NAV2: variants seen among roughly 807,000 people sequenced by gnomAD.
The protein encoded by NAV2 is helicase, APC down-regulated 1.
Under a neutral mutation model 223.2 loss-of-function variants are expected in NAV2, and 54 were observed. The ratio of observed to expected loss-of-function variants is 0.24; its 90% CI spans 0.19 to 0.30. NAV2 has a LOEUF of 0.30. NAV2 is among the 10% of genes least tolerant of loss of function. NAV2 has a pLI of 1.00. For synonymous variants in NAV2, 1,279 were observed against 1,239.3 expected (o/e 1.03, Z -0.67); for missense variants, 2,806 against 3,147.5 (o/e 0.89, Z 2.60).
At chr11:19,861,084 T>C (rs935532333) in intron 3 of NAV2, among the ~76,000 whole-genome samples, 1 of 140,396 alleles carries the variant, frequency 7.1e-6, no homozygotes, top group Admixed American at 7.2e-5. Flanking sequence ...CAAAGTCATA[T>C]TCTCTTAAAC....
At chr11:19,510,239 A>G (rs1186254093) in intron 1 of NAV2, among the ~76,000 whole-genome samples, 1 of 152,222 alleles carries the variant, frequency 6.6e-6, no homozygotes, top group African/African-American at 2.4e-5. Flanking sequence ...TTCTAAGCAC[A>G]TTAAGTGTGT....
chr11:19,803,847 C>T (rs938179256), intron 1 of NAV2, among the ~76,000 whole-genome samples: 13 of 152,216 alleles, frequency 8.5e-5, no homozygotes, highest in East Asian at 3.9e-4. Context: ...ACTTGTTTGA[C>T]GTGTGTTTCC....
chr11:19,518,689 A>G (rs1347242651), intron 1 of NAV2: 1 of 152,272 alleles, frequency 6.6e-6, no homozygotes, highest in Non-Finnish European at 1.5e-5. Context: ...GATAAATGAA[A>G]GCAGAGATCA....
intron 1 of NAV2, among the ~76,000 whole-genome samples, chr11:19,355,347 A>C (rs1351055581): frequency 1.3e-5 from 2 of 151,918 alleles, no homozygotes; most frequent in African/African-American, 2.4e-5. Context: ...TCAGCATGAA[A>C]GCTTCCTGGA....
At chr11:20,024,333 G>C (rs2054831523) in intron 11 of NAV2, among the ~76,000 whole-genome samples, 1 of 152,154 alleles carries the variant, frequency 6.6e-6, no homozygotes, top group South Asian at 2.1e-4. Flanking sequence ...GATCAGGCTG[G>C]AGCTTTAGTT....
At chr11:20,000,783 C>T (rs892191177) in intron 11 of NAV2, among the ~76,000 whole-genome samples, 5 of 152,162 alleles carry the variant, frequency 3.3e-5, no homozygotes, top group South Asian at 2.1e-4. Flanking sequence ...GTTTGAGCTC[C>T]ACTGGAGAGC....
chr11:19,794,233 G>T (rs1023033136), intron 1 of NAV2, among the ~76,000 whole-genome samples: 1 of 152,196 alleles, frequency 6.6e-6, no homozygotes, highest in African/African-American at 2.4e-5. Context: ...TGTGCTCGGC[G>T]TTGTAAGGAG....
At chr11:20,083,813 G>C (rs1372366690) in intron 26 of NAV2, among the ~76,000 whole-genome samples, 1 of 152,192 alleles carries the variant, frequency 6.6e-6, no homozygotes, top group Non-Finnish European at 1.5e-5. Context: ...TCTTGGGAAG[G>C]CCAAGTTAAA....
At chr11:19,569,392 C>A (rs1412834828) in intron 1 of NAV2, among the ~76,000 whole-genome samples, 2 of 152,202 alleles carry the variant, frequency 1.3e-5, no homozygotes, top group Admixed American at 6.5e-5. Context: ...CCCATGAGGG[C>A]AAACGACCTT....
At chr11:19,728,256 CT>C (rs1392465938) in intron 1 of NAV2, among the ~76,000 whole-genome samples, 1 of 152,210 alleles carries the variant, frequency 6.6e-6, no homozygotes, top group East Asian at 1.9e-4. Context: ...ATTAAGTTCT[CT>C]TTCTAGACCC....
At chr11:19,415,395 A>G (rs1333584367) in intron 1 of NAV2, among the ~76,000 whole-genome samples, 2 of 152,246 alleles carry the variant, frequency 1.3e-5, no homozygotes, top group East Asian at 1.9e-4. Context: ...GTAAAGCAGG[A>G]AGAAGTCGAA....
chr11:19,652,444 T>C (rs191851428), intron 1 of NAV2, among the ~76,000 whole-genome samples: 22 of 152,172 alleles, frequency 1.4e-4, no homozygotes, highest in Non-Finnish European at 2.9e-4. Flanking sequence ...TAAACTGTGA[T>C]ATGCAGTGAG....
At chr11:19,673,267 A>G (rs2048619612) in intron 1 of NAV2, among the ~76,000 whole-genome samples, 1 of 152,240 alleles carries the variant, frequency 6.6e-6, no homozygotes, top group South Asian at 2.1e-4. Flanking sequence ...ATATTCAGAT[A>G]TGTCTGTGTT....
intron 27 of NAV2, among the ~76,000 whole-genome samples, chr11:20,092,003 C>G (rs1024774628): frequency 6.6e-6 from 1 of 152,182 alleles, no homozygotes; most frequent in East Asian, 1.9e-4. Flanking sequence ...GGCCTGTTCT[C>G]TGAATGGATG....
rs553578908 is a variant in NAV2, at chr11:19,887,805, A to G, written c.771-4629A>G. ...ATGCCATGGAAATGAGAGATTTAGT[A>G]TGTAATCATCTCGCCTGGCAAAAAG... On this transcript the variant is annotated intron_variant, in intron 5 of 37. Transcript: ENST00000349880. Among the ~76,000 whole-genome samples the G allele has an allele frequency of 8.5e-5, 13 of 152,204 alleles. 1 individual carries two copies. Among genetic ancestry groups the G allele is most frequent in the African/African-American group, 3.1e-4 (13 of 41,534 alleles).
chr11:20,113,986 G>A (rs2062840260), intron 36 of NAV2, among the ~76,000 whole-genome samples: 1 of 152,164 alleles, frequency 6.6e-6, no homozygotes, highest in Admixed American at 6.5e-5. Flanking sequence ...ACTCCAGCCT[G>A]AGCAACATTG....
At chr11:19,345,263 T>C in the NAV2 span, among the ~76,000 whole-genome samples, 1 of 152,164 alleles carries the variant, frequency 6.6e-6, no homozygotes, top group Non-Finnish European at 1.5e-5. The surrounding 1 kb of genome is among the most constrained non-coding windows in gnomAD (Gnocchi z 5.2). Flanking sequence ...CGGAGTGCAG[T>C]GCGAGACCGG....
rs535515411 is a variant in NAV2 at position 19,704,222 on chromosome 11, T to C, written c.76-128262T>C. ...TTTCCTTGCCTTATTATTAAGACCA[T>C]TGTCATTAGCAAACTGGGTGACTAC... is the stretch of plus-strand genomic sequence containing the variant. On this transcript the variant is annotated intron_variant, in intron 1 of 37. Transcript: ENST00000360655. Among the ~76,000 whole-genome samples the C allele has an allele frequency of 2.6e-5, 4 of 152,270 alleles. No individual in the cohort carries two copies. The South Asian group carries it at 8.3e-4, about 32-fold the overall frequency.
chr11:19,709,601 A>C (rs1316817442), upstream of NAV2, among the ~76,000 whole-genome samples: 1 of 151,180 alleles, frequency 6.6e-6, no homozygotes, highest in African/African-American at 2.4e-5. Context: ...TTGGGAGGCC[A>C]AGGCAGGTGG....
Sources: allele counts gnomAD v4.1 joint callset (sites outside exome capture counted in the v4.1 genomes callset), GRCh38; gene constraint gnomAD v4.1.1; non-coding constraint Gnocchi (gnomAD v3.1); transcripts MANE v1.5; gene names NCBI Gene and HGNC (gene_info 2026-07-23, HGNC 2026-07-21).